ALPK1: variants seen among roughly 807,000 people sequenced by gnomAD.
The protein encoded by ALPK1 is alpha kinase 1.
In ALPK1, 110 loss-of-function variants were observed where a neutral mutation model predicts 120.6. The ratio of observed to expected loss-of-function variants is 0.91; its 90% CI spans 0.78 to 1.07. ALPK1 has a LOEUF of 1.07. Among genes scored for constraint, ALPK1 ranks in the 50% least tolerant of loss-of-function variants. The pLI, the probability that ALPK1 is intolerant of heterozygous loss-of-function variation, is 0.00. For synonymous variants in ALPK1, 582 were observed against 560.3 expected (o/e 1.04, Z -0.55); for missense variants, 1,498 against 1,483.9 (o/e 1.01, Z -0.16).
chr4:112,341,161 T>G (rs1729847463), intron 2 of ALPK1, among the ~76,000 whole-genome samples: 3 of 152,240 alleles, frequency 2.0e-5, no homozygotes, highest in African/African-American at 7.2e-5. Context: ...AGGGTTTGTC[T>G]CTGTAGACAT....
chr4:112,313,968 A>T (rs1728527820), intron 1 of ALPK1, among the ~76,000 whole-genome samples: 1 of 152,248 alleles, frequency 6.6e-6, no homozygotes, highest in Non-Finnish European at 1.5e-5. Context: ...AAGATGAAAG[A>T]AATAATGGCA....
At chr4:112,335,995 C>T (rs72896916) in intron 2 of ALPK1, among the ~76,000 whole-genome samples, 1,624 of 146,582 alleles carry the variant, frequency 0.011, 35 homozygotes, top group African/African-American at 0.038. Flanking sequence ...AATAAATGAA[C>T]GTAAAACCAA....
intron 2 of ALPK1, among the ~76,000 whole-genome samples, chr4:112,360,549 G>T (rs1409993394): frequency 6.6e-6 from 1 of 152,170 alleles, no homozygotes; most frequent in Non-Finnish European, 1.5e-5. Context: ...TCAATACATT[G>T]TTATTGTTGT....
chr4:112,305,940 TGAGA>T (rs1380640886), intron 1 of ALPK1, among the ~76,000 whole-genome samples: 2 of 152,092 alleles, frequency 1.3e-5, no homozygotes, highest in Non-Finnish European at 2.9e-5. Context: ...CCTAATTTAT[TGAGA>T]GTTTTTAGCA....
intron 2 of ALPK1, among the ~76,000 whole-genome samples, chr4:112,321,667 C>A (rs1384050065): frequency 6.6e-6 from 1 of 152,126 alleles, no homozygotes; most frequent in African/African-American, 2.4e-5. Flanking sequence ...TAATTTTAAT[C>A]ATTGATATAT....
In ALPK1 at chr4:112,383,254, G is replaced by GGAAGATTGTCAAGGAAGAAAGCTT. The variant is rs555509459; in HGVS notation, c.276+704_276+727dup. 18 of 151,510 alleles carry GGAAGATTGTCAAGGAAGAAAGCTT rather than the reference G, an allele frequency of 1.2e-4. No homozygotes were observed. In the East Asian group the frequency reaches 3.3e-3, roughly 28 times the overall value. 9.4% of individuals were successfully genotyped at this position (151,510 alleles called of 1,614,324 possible). On this transcript the variant is annotated intron_variant, in intron 4 of 15. Transcript: ENST00000650871. ...CGTTGCTTTTTACCCACATTCTCTC[G>GGAAGATTGTCAAGGAAGAAAGCTT]GAAGATTGTCAAGGAAGAAAGCTTG...
intron 1 of ALPK1, among the ~76,000 whole-genome samples, chr4:112,306,324 G>A (rs1282592495): frequency 1.3e-5 from 2 of 152,072 alleles, no homozygotes; most frequent in African/African-American, 2.4e-5. Context: ...AGAAGGAATG[G>A]TACCAGCCCC....
At chr4:112,347,736 A>T (rs957418801) in intron 2 of ALPK1, among the ~76,000 whole-genome samples, 25 of 152,270 alleles carry the variant, frequency 1.6e-4, no homozygotes, top group Non-Finnish European at 7.3e-5. Flanking sequence ...AAGTTTACAG[A>T]TACAGTGCAT....
At chr4:112,381,410 A>G (rs1315461946) in intron 3 of ALPK1, among the ~76,000 whole-genome samples, 3 of 152,222 alleles carry the variant, frequency 2.0e-5, no homozygotes, top group Non-Finnish European at 2.9e-5. Context: ...GAGGCTTGCA[A>G]GACAAGTACC....
rs1474463381 is a variant in ALPK1 at position 112,362,441 on chromosome 4, A to C, written c.-100-15237A>C. On this transcript the variant is annotated intron_variant, in intron 2 of 15. Coordinates refer to ENST00000650871, the MANE Select transcript of ALPK1 (RefSeq NM_025144.4). ...ACACACTTAGAGAAATGTAAAATGC[A>C]CTGCAAAGTCTCAGCAACAGAATTG... Among the ~76,000 whole-genome samples, 11 of 152,328 alleles carry C rather than the reference A, an allele frequency of 7.2e-5. No individual in the cohort carries two copies. In the East Asian group the frequency reaches 1.9e-3, roughly 27 times the overall value.
At chr4:112,361,061 G>T (rs1454750003) in intron 2 of ALPK1, among the ~76,000 whole-genome samples, 1 of 152,190 alleles carries the variant, frequency 6.6e-6, no homozygotes, top group African/African-American at 2.4e-5. Flanking sequence ...TTTGAAAAAA[G>T]AGATAAGCAG....
chr4:112,438,992 A>G (rs547449649), intron 13 of ALPK1, among the ~76,000 whole-genome samples: 1 of 152,184 alleles, frequency 6.6e-6, no homozygotes, highest in Non-Finnish European at 1.5e-5. Context: ...GCCCAAATCT[A>G]TCTTTATCTA....
chr4:112,310,132 C>T (rs1299602828), intron 1 of ALPK1, among the ~76,000 whole-genome samples: 2 of 152,014 alleles, frequency 1.3e-5, no homozygotes, highest in African/African-American at 4.8e-5. Context: ...TCTCTACTGT[C>T]CTGCTCAATT....
intron 2 of ALPK1, among the ~76,000 whole-genome samples, chr4:112,375,239 G>C (rs1392078641): frequency 1.3e-5 from 2 of 149,672 alleles, no homozygotes; most frequent in South Asian, 2.1e-4. Flanking sequence ...GAGTGTAGAG[G>C]TGCAGTCACA....
At chr4:112,376,942 AT>A (rs373158035) in intron 2 of ALPK1, among the ~76,000 whole-genome samples, 12 of 151,030 alleles carry the variant, frequency 7.9e-5, no homozygotes, top group African/African-American at 2.9e-4. Context: ...TTTGTCAGGC[AT>A]TTTTTTTTGC....
intron 4 of ALPK1, among the ~76,000 whole-genome samples, chr4:112,408,405 G>A (rs1327777708): frequency 6.6e-6 from 1 of 152,064 alleles, no homozygotes; most frequent in Non-Finnish European, 1.5e-5. Flanking sequence ...AGACACAGCT[G>A]GCCACATATA....
rs1735078821 is a variant in ALPK1, at chr4:112,442,575, T to G, written c.*1365T>G. The G allele has an allele frequency of 6.6e-6, 1 of 151,292 alleles. No individual in the cohort carries two copies. The highest frequency in any genetic ancestry group is 2.4e-5 in the African/African-American group (1 of 41,112). 9.4% of individuals were successfully genotyped at this position (151,292 alleles called of 1,614,324 possible). A position where few individuals can be genotyped will look rare whatever the true frequency, so the allele number is the denominator to read the frequency against. Reference sequence around the variant, plus strand: ...ACAACAAACCCCCATGACACAAACCTGCACATGTACCCCTGAACTTAAAAT... The same window carrying G: ...ACAACAAACCCCCATGACACAAACCGGCACATGTACCCCTGAACTTAAAAT... On this transcript the variant is annotated 3_prime_UTR_variant, in exon 16 of 16. Coordinates refer to ENST00000650871, the MANE Select transcript of ALPK1 (RefSeq NM_025144.4).
chr4:112,312,563 C>T (rs541063868), intron 1 of ALPK1, among the ~76,000 whole-genome samples: 1 of 152,212 alleles, frequency 6.6e-6, no homozygotes, highest in Non-Finnish European at 1.5e-5. Flanking sequence ...TGAGCCTCCG[C>T]ACCTGGCCTA....
intron 5 of ALPK1, among the ~76,000 whole-genome samples, chr4:112,419,999 TG>T (rs991758381): frequency 1.3e-5 from 2 of 152,242 alleles, no homozygotes; most frequent in African/African-American, 4.8e-5. Flanking sequence ...GGCTCTGTCT[TG>T]TTCATCATTC....
Sources: gnomAD v4.1 joint callset for allele counts (sites outside exome capture counted in the v4.1 genomes callset) on GRCh38, gnomAD v4.1.1 for gene constraint, MANE v1.5 for transcripts, NCBI Gene and HGNC (gene_info 2026-07-23, HGNC 2026-07-21) for gene names.